Variants in ZFYVE28 observed in about 807,000 individuals in gnomAD.
The protein encoded by ZFYVE28 is zinc finger FYVE-type containing 28, also known as lateral signaling target protein 2 homolog.
A neutral mutation model predicts 82.1 loss-of-function variants in ZFYVE28; 40 were observed. The ratio of observed to expected loss-of-function variants is 0.49; its 90% CI spans 0.38 to 0.63. The LOEUF is 0.63. Ranked by LOEUF, ZFYVE28 falls within the 30% of genes least tolerant of loss-of-function variation. The pLI, the probability that ZFYVE28 is intolerant of heterozygous loss-of-function variation, is 0.00. For synonymous variants in ZFYVE28, 612 were observed against 546.1 expected (o/e 1.12, Z -1.68); for missense variants, 1,321 against 1,242.1 (o/e 1.06, Z -0.96).
intron 1 of ZFYVE28, among the ~76,000 whole-genome samples, chr4:2,382,887 C>T (rs1301834361): frequency 6.6e-6 from 1 of 152,002 alleles, no homozygotes; most frequent in African/African-American, 2.4e-5. Context: ...TCTTACACGG[C>T]AGCAGCAGGA....
intron 1 of ZFYVE28, among the ~76,000 whole-genome samples, chr4:2,368,219 A>AAACAAAC (rs1285404564): frequency 1.4e-4 from 21 of 150,222 alleles, no homozygotes; most frequent in African/African-American, 3.4e-4. Context: ...TACAAAAAAA[A>AAACAAAC]AAAAAAAAAA....
chr4:2,380,067 T>C (rs1307258107), intron 1 of ZFYVE28, among the ~76,000 whole-genome samples: 2 of 152,232 alleles, frequency 1.3e-5, no homozygotes, highest in African/African-American at 4.8e-5. Context: ...GAGTCGACAA[T>C]GTAGACACTG....
intron 7 of ZFYVE28, among the ~76,000 whole-genome samples, chr4:2,317,463 T>C (rs1475420827): frequency 6.6e-6 from 1 of 152,188 alleles, no homozygotes; most frequent in African/African-American, 2.4e-5. Flanking sequence ...TTGGCTGCGC[T>C]TAGGCCTGGT....
rs1733193684 is a variant in ZFYVE28, at chr4:2,417,422, A to C, written c.39+863T>G. 6.6e-6 allele frequency among the ~76,000 whole-genome samples: 1 copy of C among 150,424 alleles called. No homozygotes were observed. The highest frequency in any genetic ancestry group is 1.5e-5 in the Non-Finnish European group (1 of 67,468). On this transcript the variant is annotated intron_variant, in intron 1 of 12. Transcript: ENST00000290974. The surrounding 1 kb of genome is among the most constrained non-coding windows in gnomAD (Gnocchi z 4.8). Reference sequence around the variant, plus strand: ...GCGGGGACGCAGCGCCCGCAGTGCGACTGGCGCAGCCGCTGAGGCACGGGG... The same window carrying C: ...GCGGGGACGCAGCGCCCGCAGTGCGCCTGGCGCAGCCGCTGAGGCACGGGG...
chr4:2,376,534 C>T (rs1314663638), intron 1 of ZFYVE28, among the ~76,000 whole-genome samples: 1 of 152,120 alleles, frequency 6.6e-6, no homozygotes, highest in Non-Finnish European at 1.5e-5. Context: ...AGGGAACTTA[C>T]AACCATGCAG....
intron 1 of ZFYVE28, among the ~76,000 whole-genome samples, chr4:2,399,032 G>GGGTGAGATCCAGTGCACAAGCGTGGA (rs1730832136): frequency 4.0e-5 from 2 of 50,346 alleles, no homozygotes; most frequent in East Asian, 9.4e-4. Context: ...GCACAAGGTG[G>GGGTGAGATCCAGTGCACAAGCGTGGA]GGTGAGATCC....
chr4:2,379,881 G>A (rs1728550734), intron 1 of ZFYVE28, among the ~76,000 whole-genome samples: 2 of 151,828 alleles, frequency 1.3e-5, no homozygotes, highest in South Asian at 2.1e-4. Context: ...TCCATCTCCC[G>A]GGTTCAAGCA....
intron 7 of ZFYVE28, chr4:2,316,641 A>T (rs543243436): frequency 6.6e-6 from 1 of 152,056 alleles, no homozygotes; most frequent in South Asian, 2.1e-4. Flanking sequence ...GGATCATCAG[A>T]ACTCTGCATC....
intron 8 of ZFYVE28, among the ~76,000 whole-genome samples, chr4:2,278,564 C>G (rs1003573098): frequency 6.6e-6 from 1 of 151,696 alleles, no homozygotes; most frequent in African/African-American, 2.4e-5. Flanking sequence ...GACATGACAC[C>G]TAAAGCATGG....
At position 2,408,741 on chromosome 4, in the gene ZFYVE28, A is replaced by T. The variant is rs1374346914; in HGVS notation, c.39+9544T>A. Among the ~76,000 whole-genome samples, 2 of 151,914 alleles carry T rather than the reference A, an allele frequency of 1.3e-5. No homozygotes were observed. Among genetic ancestry groups the T allele is most frequent in the Non-Finnish European group, 2.9e-5 (2 of 67,954 alleles). ...CCCAGATGCCACCCCGCCCAGATGC[A>T]GCCCTATCCAGATGGCCCCACACTG... On this transcript the variant is annotated intron_variant, in intron 1 of 12. Transcript: ENST00000290974. This position sits in a 1 kb window ranked among gnomAD's most constrained non-coding sequence, Gnocchi z 4.3.
chr4:2,333,200 TCCCCTGCTGCCCTTCCCTGACCC>T (rs199804132), intron 6 of ZFYVE28, among the ~76,000 whole-genome samples: 34,258 of 89,864 alleles, frequency 0.38, 6,514 homozygotes, highest in African/African-American at 0.43. Context: ...AGCACTGGCC[TCCCCTGCTGCCCTTCCCTGACCC>T]CCCCTGCTGC....
chr4:2,411,440 T>C (rs1732512218), intron 1 of ZFYVE28, among the ~76,000 whole-genome samples: 1 of 152,240 alleles, frequency 6.6e-6, no homozygotes, highest in Non-Finnish European at 1.5e-5. Flanking sequence ...ACTTTTGTCT[T>C]CCTCCTTCAA....
chr4:2,407,018 T>C (rs1056121210), intron 1 of ZFYVE28, among the ~76,000 whole-genome samples: 1 of 152,016 alleles, frequency 6.6e-6, no homozygotes, highest in Non-Finnish European at 1.5e-5. Flanking sequence ...TGTCCAGGCA[T>C]TGCTGTCCAG....
At chr4:2,342,437 A>T (rs1484989721) in intron 2 of ZFYVE28, 2 of 152,214 alleles carry the variant, frequency 1.3e-5, no homozygotes, top group Non-Finnish European at 2.9e-5. Flanking sequence ...TTTGTCACTC[A>T]GGCTGGAGTG....
intron 2 of ZFYVE28, among the ~76,000 whole-genome samples, chr4:2,346,287 A>G (rs1014144926): frequency 6.6e-6 from 1 of 150,984 alleles, no homozygotes; most frequent in African/African-American, 2.4e-5. Flanking sequence ...GCTAGCAGTG[A>G]GCCGAGATCG....
rs189348052 is a variant in ZFYVE28 at position 2,340,941 on chromosome 4, C to T, written c.318+537G>A. On this transcript the variant is annotated intron_variant, in intron 3 of 12. Transcript: ENST00000290974. ...GGGGCTGAGGTCAGGCTCGGGAGCA[C>T]GGCAAGGGGAGGAGGCTGGGGAGTC... is the stretch of plus-strand genomic sequence containing the variant. 8.6e-4 allele frequency among the ~76,000 whole-genome samples: 130 copies of T among 151,402 alleles called. 3 individuals carry two copies. The highest frequency in any genetic ancestry group is 2.4e-3 in the Admixed American group (36 of 15,228).
At chr4:2,321,593 G>C (rs1014628831) in intron 6 of ZFYVE28, among the ~76,000 whole-genome samples, 1 of 151,922 alleles carries the variant, frequency 6.6e-6, no homozygotes, top group Non-Finnish European at 1.5e-5. Flanking sequence ...CTGATTGAAC[G>C]AACAGTATTC....
intron 8 of ZFYVE28, 79 bp downstream of exon 8, chr4:2,304,210 A>C (rs1716112826): frequency 1.3e-5 from 19 of 1,483,822 alleles, no homozygotes; most frequent in Non-Finnish European, 1.7e-5. Context: ...GAAACACTGC[A>C]ATGCTTGGAG....
intron 1 of ZFYVE28, among the ~76,000 whole-genome samples, chr4:2,359,547 G>C (rs929853696): frequency 6.6e-6 from 1 of 152,318 alleles, no homozygotes; most frequent in African/African-American, 2.4e-5. Flanking sequence ...GTAGAGGGCC[G>C]ACTTTGTGGG....
Sources: gnomAD v4.1 joint callset for allele counts (sites outside exome capture counted in the v4.1 genomes callset) on GRCh38, gnomAD v4.1.1 for gene constraint, Gnocchi (gnomAD v3.1) non-coding constraint, MANE v1.5 for transcripts, NCBI Gene and HGNC (gene_info 2026-07-23, HGNC 2026-07-21) for gene names.